Variants in CHCHD6 observed in about 807,000 individuals in gnomAD.
CHCHD6 encodes coiled-coil-helix-coiled-coil-helix domain containing 6, also known as MICOS complex subunit MIC25.
In CHCHD6, 28 loss-of-function variants were observed where a neutral mutation model predicts 32.3. That is an observed-to-expected ratio of 0.87 (90% CI 0.64 to 1.19). The LOEUF is 1.19. Ranked by LOEUF, CHCHD6 falls within the 50% of genes most tolerant of loss-of-function variation. CHCHD6 has a pLI of 0.00. For missense variants in CHCHD6, 333 were observed against 307.0 expected (o/e 1.08, Z -0.63); for synonymous variants, 122 against 117.5 (o/e 1.04, Z -0.25).
intron 5 of CHCHD6, among the ~76,000 whole-genome samples, chr3:126,866,000 T>C (rs539579688): frequency 3.3e-5 from 5 of 152,142 alleles, no homozygotes; most frequent in African/African-American, 1.2e-4. Flanking sequence ...TTAGGTTTCC[T>C]GATGGTGGGG....
At chr3:126,919,885 A>T (rs2078222320) in intron 6 of CHCHD6, among the ~76,000 whole-genome samples, 1 of 148,174 alleles carries the variant, frequency 6.7e-6, no homozygotes, top group Admixed American at 6.7e-5. Context: ...GATTTTCTTT[A>T]TTTTATTCTT....
At chr3:126,760,024 A>G (rs914130518) in intron 4 of CHCHD6, among the ~76,000 whole-genome samples, 1 of 152,134 alleles carries the variant, frequency 6.6e-6, no homozygotes, top group African/African-American at 2.4e-5. Context: ...CACATACTTA[A>G]AACAACTAGA....
At position 126,810,936 on chromosome 3, in the gene CHCHD6, A is replaced by G. The variant is rs531282621; in HGVS notation, c.412-41711A>G. ...AGAGACTTGTGCCTGCAGGCACATGAGATGTCCTGTAGGCGGGACCACCAG... is the reference window on the plus strand; with the variant it reads ...AGAGACTTGTGCCTGCAGGCACATGGGATGTCCTGTAGGCGGGACCACCAG... On this transcript the variant is annotated intron_variant, in intron 4 of 7. Coordinates refer to ENST00000290913, the MANE Select transcript of CHCHD6 (RefSeq NM_032343.3). Among the ~76,000 whole-genome samples, 125 of 152,268 alleles carry G rather than the reference A, an allele frequency of 8.2e-4. 1 individual carries two copies. The highest frequency in any genetic ancestry group is 3.0e-3 in the African/African-American group (125 of 41,554).
At chr3:126,803,455 A>G (rs1326458943) in intron 4 of CHCHD6, among the ~76,000 whole-genome samples, 4 of 152,206 alleles carry the variant, frequency 2.6e-5, no homozygotes, top group African/African-American at 9.7e-5. Context: ...ACAAAGATCA[A>G]AAGAGACAAA....
chr3:126,954,459 C>T (rs1371552403), intron 6 of CHCHD6, among the ~76,000 whole-genome samples: 11 of 152,238 alleles, frequency 7.2e-5, no homozygotes, highest in African/African-American at 2.2e-4. Context: ...CAGGTCAGCC[C>T]TCCAGCTCCA....
At chr3:126,896,749 G>A (rs2077846036) in intron 5 of CHCHD6, among the ~76,000 whole-genome samples, 1 of 152,184 alleles carries the variant, frequency 6.6e-6, no homozygotes, top group African/African-American at 2.4e-5. Context: ...GTCAACCTCT[G>A]GAGGGGCAGG....
At chr3:126,806,355 GAAA>G (rs1195544778) in intron 4 of CHCHD6, among the ~76,000 whole-genome samples, 1 of 151,706 alleles carries the variant, frequency 6.6e-6, no homozygotes, top group East Asian at 1.9e-4. Flanking sequence ...AAATTTACAA[GAAA>G]AAAACAACCC....
intron 1 of CHCHD6, among the ~76,000 whole-genome samples, chr3:126,711,864 G>T (rs1042468836): frequency 2.0e-5 from 3 of 152,200 alleles, no homozygotes; most frequent in African/African-American, 7.2e-5. Context: ...ATCTGCTTCT[G>T]ATTTCAAGTC....
At chr3:126,821,178 A>G (rs1288972741) in intron 4 of CHCHD6, among the ~76,000 whole-genome samples, 1 of 152,220 alleles carries the variant, frequency 6.6e-6, no homozygotes, top group African/African-American at 2.4e-5. Flanking sequence ...TGATGGCTGA[A>G]TAATATTCTG....
intron 6 of CHCHD6, among the ~76,000 whole-genome samples, chr3:126,954,859 C>T (rs1483833068): frequency 6.6e-6 from 1 of 152,198 alleles, no homozygotes; most frequent in East Asian, 1.9e-4. Context: ...CAAGAGAGAG[C>T]CCAGGGAGAC....
intron 6 of CHCHD6, among the ~76,000 whole-genome samples, chr3:126,941,110 T>C (rs1258132072): frequency 6.6e-6 from 1 of 152,248 alleles, no homozygotes; most frequent in Non-Finnish European, 1.5e-5. Context: ...AGGTCTATAA[T>C]CGTATGCACC....
intron 6 of CHCHD6, among the ~76,000 whole-genome samples, chr3:126,918,593 A>G (rs1020922635): frequency 1.8e-4 from 27 of 152,258 alleles, no homozygotes; most frequent in Non-Finnish European, 5.9e-5. Flanking sequence ...CATGGTGGGA[A>G]AAAGCATTTT....
chr3:126,912,758 A>G (rs973693133), intron 5 of CHCHD6, among the ~76,000 whole-genome samples: 2 of 152,112 alleles, frequency 1.3e-5, no homozygotes, highest in Admixed American at 6.5e-5. Flanking sequence ...CACCTTCCAC[A>G]TTTACCTCCC....
chr3:126,925,484 C>T (rs115738961), intron 6 of CHCHD6, among the ~76,000 whole-genome samples: 1,810 of 152,344 alleles, frequency 0.012, 19 homozygotes, highest in Middle Eastern at 0.048. Context: ...TTGTACAGCG[C>T]TCATCTTCCT....
intron 4 of CHCHD6, among the ~76,000 whole-genome samples, chr3:126,734,137 G>A: frequency 6.6e-6 from 1 of 152,196 alleles, no homozygotes; most frequent in East Asian, 1.9e-4. Context: ...CATCACACTG[G>A]CTTGAATTGT....
chr3:126,864,435 C>G (rs1942154174), intron 5 of CHCHD6, among the ~76,000 whole-genome samples: 1 of 146,900 alleles, frequency 6.8e-6, no homozygotes, highest in Non-Finnish European at 1.5e-5. Flanking sequence ...TCCTCCACCA[C>G]CTTCACCATC....
chr3:126,792,404 G>C (rs920631267), intron 4 of CHCHD6, among the ~76,000 whole-genome samples: 1 of 151,852 alleles, frequency 6.6e-6, no homozygotes, highest in Non-Finnish European at 1.5e-5. Context: ...CCATGCACAG[G>C]GGTGCCAGTT....
At chr3:126,829,694 C>T (rs1444352017) in intron 4 of CHCHD6, among the ~76,000 whole-genome samples, 2 of 152,016 alleles carry the variant, frequency 1.3e-5, no homozygotes, top group Non-Finnish European at 2.9e-5. Flanking sequence ...TATCATGTGA[C>T]GACAGAGCAA....
At chr3:126,735,472 G>A (rs140994063) in intron 4 of CHCHD6, among the ~76,000 whole-genome samples, 118 of 152,318 alleles carry the variant, frequency 7.7e-4, no homozygotes, top group African/African-American at 2.1e-3. Context: ...ACTGCTCAGC[G>A]TTCATTTCTC....
Sources: gnomAD v4.1 joint callset for allele counts (sites outside exome capture counted in the v4.1 genomes callset) on GRCh38, gnomAD v4.1.1 for gene constraint, MANE v1.5 for transcripts, NCBI Gene and HGNC (gene_info 2026-07-23, HGNC 2026-07-21) for gene names.